The following MYO9A variants were observed in gnomAD, a reference collection of about 807,000 sequenced individuals.
MYO9A encodes unconventional myosin-IXa.
MYO9A carries 103 observed loss-of-function variants against 293.3 expected under a neutral mutation model. The ratio of observed to expected loss-of-function variants is 0.35; its 90% CI spans 0.30 to 0.41. MYO9A has a LOEUF of 0.41. MYO9A is among the 10% of genes least tolerant of loss of function. The pLI, the probability that MYO9A is intolerant of heterozygous loss-of-function variation, is 1.00. For synonymous variants in MYO9A, 1,001 were observed against 1,035.7 expected (o/e 0.97, Z 0.64); for missense variants, 2,685 against 3,033.0 (o/e 0.89, Z 2.69).
rs1179478646 is a variant in MYO9A, at chr15:71,878,037, T to A, written c.5931+3A>T. On this transcript the variant is annotated splice_donor_region_variant and intron_variant, in intron 31 of 41. Transcript: ENST00000356056. ...TTAAGTAATCAAAATATATCACATT[T>A]ACCTTTGTGGCTGTGCAATCTGAAG... 6.3e-7 allele frequency: 1 copy of A among 1,582,108 alleles called. No individual in the cohort carries two copies. Among genetic ancestry groups the A allele is most frequent in the Non-Finnish European group, 8.6e-7 (1 of 1,166,300 alleles).
Position 72,019,507 on chromosome 15 carries a change from T to C in MYO9A, c.1099-412A>G, listed in dbSNP as rs374517303. 7.2e-5 allele frequency among the ~76,000 whole-genome samples: 11 copies of C among 152,170 alleles called. No homozygotes were observed. In the South Asian group the frequency reaches 1.2e-3, roughly 17 times the overall value. On this transcript the variant is annotated intron_variant, in intron 5 of 41. Coordinates refer to ENST00000356056, the MANE Select transcript of MYO9A (RefSeq NM_006901.4). Reference sequence around the variant, plus strand: ...TTTAATCACCCAAATATAATGCAAATAGTTTAAACTGGGGAGGAAAAAACT... The same window carrying C: ...TTTAATCACCCAAATATAATGCAAACAGTTTAAACTGGGGAGGAAAAAACT...
At chr15:71,858,802 T>G (rs941104897) in intron 34 of MYO9A, 2 of 150,906 alleles carry the variant, frequency 1.3e-5, no homozygotes, top group Non-Finnish European at 2.9e-5. Context: ...CATGTATACA[T>G]ATGTAACAAA....
intron 1 of MYO9A, among the ~76,000 whole-genome samples, chr15:72,051,449 G>C (rs2078561011): frequency 6.6e-6 from 1 of 152,128 alleles, no homozygotes; most frequent in Non-Finnish European, 1.5e-5. Context: ...TGGGGGATGG[G>C]AGCAGGCAGG....
chr15:71,901,039 G>C, intron 23 of MYO9A, 152 bp downstream of exon 23: 1 of 647,058 alleles, frequency 1.5e-6, no homozygotes, highest in Non-Finnish European at 2.5e-6. Flanking sequence ...AATCTGTTGG[G>C]TGTTATGAGC....
intron 1 of MYO9A, among the ~76,000 whole-genome samples, chr15:72,109,154 G>A (rs975012166): frequency 5.9e-5 from 9 of 152,160 alleles, no homozygotes; most frequent in South Asian, 2.1e-4. Context: ...CTGGGAGGCC[G>A]AGGCAGCAGG....
intron 4 of MYO9A, among the ~76,000 whole-genome samples, chr15:72,022,045 A>T (rs954267777): frequency 5.3e-5 from 8 of 152,206 alleles, no homozygotes; most frequent in African/African-American, 1.9e-4. Context: ...TCCAGTTATT[A>T]CCTGACATCT....
chr15:71,920,225 T>A (rs188677978), intron 18 of MYO9A, among the ~76,000 whole-genome samples: 67 of 152,366 alleles, frequency 4.4e-4, no homozygotes, highest in Admixed American at 3.3e-3. Context: ...TTATTATTTT[T>A]TTCAACAATT....
chr15:71,840,277 G>GA (rs2055098606), intron 39 of MYO9A, among the ~76,000 whole-genome samples: 1 of 152,206 alleles, frequency 6.6e-6, no homozygotes, highest in African/African-American at 2.4e-5. Context: ...GCATCCATTG[G>GA]ATGTGGAGTC....
chr15:72,035,454 G>A (rs1381755867), intron 2 of MYO9A, among the ~76,000 whole-genome samples: 1 of 152,126 alleles, frequency 6.6e-6, no homozygotes. Context: ...ATAAACAACT[G>A]CCGTATTTTA....
intron 32 of MYO9A, among the ~76,000 whole-genome samples, chr15:71,874,934 A>G (rs1281491885): frequency 6.6e-6 from 1 of 152,186 alleles, no homozygotes; most frequent in Admixed American, 6.5e-5. Flanking sequence ...TCTCTTCTGT[A>G]AACTATTCCT....
intron 11 of MYO9A, among the ~76,000 whole-genome samples, chr15:71,984,472 T>C (rs1034769552): frequency 1.3e-5 from 2 of 152,086 alleles, no homozygotes; most frequent in African/African-American, 4.8e-5. Context: ...GTTGGGTTTG[T>C]TTTTTTGTTT....
At chr15:71,957,864 C>A (rs1424499273) in intron 14 of MYO9A, among the ~76,000 whole-genome samples, 1 of 152,130 alleles carries the variant, frequency 6.6e-6, no homozygotes, top group East Asian at 1.9e-4. Flanking sequence ...CTTTGCCTAG[C>A]CTTTTTAGAC....
chr15:71,849,919 ATCT>A, intron 38 of MYO9A, 114 bp downstream of exon 38: 1 of 1,321,506 alleles, frequency 7.6e-7, no homozygotes, highest in Non-Finnish European at 1.1e-6. Context: ...GTGTCCAACA[ATCT>A]TCTTAAAAAC....
At chr15:72,076,700 A>G (rs978234514) in intron 1 of MYO9A, among the ~76,000 whole-genome samples, 1 of 152,214 alleles carries the variant, frequency 6.6e-6, no homozygotes, top group Non-Finnish European at 1.5e-5. Flanking sequence ...ACACAATCTC[A>G]ATCAAAATCC....
At chr15:72,033,508 TCAA>T (rs1387905860) in intron 2 of MYO9A, among the ~76,000 whole-genome samples, 1 of 152,078 alleles carries the variant, frequency 6.6e-6, no homozygotes, top group Non-Finnish European at 1.5e-5. Context: ...ACTAATGATA[TCAA>T]CAAACACTAT....
rs567319519 is a variant in MYO9A, at chr15:72,102,979, G to T, written c.-72+14701C>A. Reference sequence around the variant, plus strand: ...ATTCAAATTATATATGGTTTTTTTTGTTGTTGTTTCTTTGTTTTTTGAGAT... The same window carrying T: ...ATTCAAATTATATATGGTTTTTTTTTTTGTTGTTTCTTTGTTTTTTGAGAT... On this transcript the variant is annotated intron_variant, in intron 1 of 41. Transcript: ENST00000356056. Among the ~76,000 whole-genome samples the T allele has an allele frequency of 6.8e-3, 940 of 138,150 alleles. 11 individuals are homozygous for T. Among genetic ancestry groups the T allele is most frequent in the African/African-American group, 0.025 (884 of 35,874 alleles). The allele number at this position is 138,150 out of a possible 152,430, so 90.6% of individuals were successfully genotyped here.
chr15:72,052,026 C>T (rs879858900), intron 1 of MYO9A, among the ~76,000 whole-genome samples: 1 of 152,206 alleles, frequency 6.6e-6, no homozygotes, highest in East Asian at 1.9e-4. Flanking sequence ...AGTACACACA[C>T]CCTCCCTGCT....
intron 18 of MYO9A, among the ~76,000 whole-genome samples, chr15:71,924,860 C>T (rs1468430207): frequency 1.3e-5 from 2 of 151,004 alleles, no homozygotes; most frequent in Admixed American, 1.3e-4. Context: ...GTGGAGATTG[C>T]AGCAAGCCGA....
At chr15:71,857,579 GA>G (rs2055911274) in intron 34 of MYO9A, among the ~76,000 whole-genome samples, 1 of 151,972 alleles carries the variant, frequency 6.6e-6, no homozygotes, top group African/African-American at 2.4e-5. Context: ...TATATAAATG[GA>G]AAAACAGAGT....
Sources: allele counts gnomAD v4.1 joint callset (sites outside exome capture counted in the v4.1 genomes callset), GRCh38; gene constraint gnomAD v4.1.1; transcripts MANE v1.5; gene names NCBI Gene and HGNC (gene_info 2026-07-23, HGNC 2026-07-21).